Variants in WNK2 observed in about 807,000 individuals in gnomAD.
WNK2 encodes the protein WNK lysine deficient protein kinase 2.
A neutral mutation model predicts 192.1 loss-of-function variants in WNK2; 67 were observed. The ratio of observed to expected loss-of-function variants is 0.35; its 90% CI spans 0.29 to 0.43. The LOEUF (loss-of-function observed/expected upper bound fraction) is 0.43. Ranked by LOEUF, WNK2 falls within the 20% of genes least tolerant of loss-of-function variation. The probability of loss-of-function intolerance (pLI) is 1.00; values close to 1 mark genes in which losing one functional copy is unlikely to be tolerated. For synonymous variants in WNK2, 1,439 were observed against 1,393.9 expected (o/e 1.03, Z -0.72); for missense variants, 2,698 against 3,089.7 (o/e 0.87, Z 3.01).
chr9:93,230,946 A>T lies in WNK2; in HGVS notation c.913A>T (p.Ile305Phe). The T allele has an allele frequency of 6.2e-7, 1 of 1,613,880 alleles. No individual in the cohort carries two copies. The highest frequency in any genetic ancestry group is 8.5e-7 in the Non-Finnish European group (1 of 1,179,880). ...GGTTCTCCGCAGCTGGTGCCGGCAG[A>T]TCCTGAAGGGCCTGCTGTTCCTGCA... ...PKVLRSWCRQILKGLLFLHTR... is the reference protein window; with the variant it reads ...PKVLRSWCRQFLKGLLFLHTR... Residue 305 changes from isoleucine to phenylalanine, a missense_variant, in exon 4 of 30, where the codon ATC (isoleucine) becomes TTC (phenylalanine). Coordinates refer to ENST00000427277, the MANE Select transcript of WNK2 (RefSeq NM_006648.4).
intron 2 of WNK2, among the ~76,000 whole-genome samples, chr9:93,202,854 C>G (rs1030702146): frequency 6.6e-6 from 1 of 152,064 alleles, no homozygotes; most frequent in South Asian, 2.1e-4. Context: ...GCTGGAAGGC[C>G]GGCTTGGAAG....
At chr9:93,289,647 A>G in intron 20 of WNK2, 27 bp downstream of exon 20, 1 of 1,436,954 alleles carries the variant, frequency 7.0e-7, no homozygotes, top group South Asian at 1.5e-5. Context: ...TCCCAGAGAC[A>G]CTGCCCTGGG....
At chr9:93,317,682 C>T (rs1163350833) in intron 29 of WNK2, 51 bp downstream of exon 29, 1 of 1,573,504 alleles carries the variant, frequency 6.4e-7, no homozygotes, top group Non-Finnish European at 8.7e-7. Context: ...GCCTCTGGGT[C>T]AGTACAGAGG....
chr9:93,302,063 G>A (rs1415879841), intron 26 of WNK2, among the ~76,000 whole-genome samples: 1 of 152,190 alleles, frequency 6.6e-6, no homozygotes, highest in Non-Finnish European at 1.5e-5. Flanking sequence ...CTGTGCCCCT[G>A]GGCTGTGGAG....
At chr9:93,188,981 C>T (rs1476980892) in intron 2 of WNK2, among the ~76,000 whole-genome samples, 10 of 152,208 alleles carry the variant, frequency 6.6e-5, no homozygotes, top group Non-Finnish European at 1.3e-4. Context: ...TGGCTACCCA[C>T]GTTGCTGGAC....
At chr9:93,191,870 CA>C (rs1830389977) in intron 2 of WNK2, among the ~76,000 whole-genome samples, 1 of 151,786 alleles carries the variant, frequency 6.6e-6, no homozygotes, top group African/African-American at 2.4e-5. Context: ...ACTAAAAATA[CA>C]AAAAAATTAG....
At position 93,297,990 on chromosome 9, in the gene WNK2, CCAG is replaced by C; in HGVS notation, c.5849_5851del (p.Ser1950del). 6.4e-7 allele frequency: 1 copy of C among 1,562,512 alleles called. No homozygotes were observed. The highest frequency in any genetic ancestry group is 1.4e-5 in the African/African-American group (1 of 73,602). On this transcript the variant is annotated inframe_deletion, in exon 24 of 30. Transcript: ENST00000427277. The stretch of plus-strand genomic sequence containing the variant: ...CCCCCCACTGGCCGCCGGAGAAAAA[CCAG>C]CAAGAGCAAGCTGAAGGCAGGCAAG...
In WNK2 at chr9:93,184,986, C is replaced by T. The variant is rs1829025016; in HGVS notation, c.57C>T (p.Arg19=). The change falls in exon 2 of 30, where the codon CGC becomes CGT. Residue 19 remains arginine, a synonymous_variant. Coordinates refer to ENST00000427277, the MANE Select transcript of WNK2 (RefSeq NM_006648.4). ...DVPGTLMEPG[R]GAGPAGMAEP... ...CCGGCACGCTGATGGAGCCCGGGCG[C>T]GGCGCGGGGCCCGCGGGCATGGCGG... The T allele has an allele frequency of 2.4e-6, 3 of 1,241,922 alleles. No individual in the cohort carries two copies. The highest frequency in any genetic ancestry group is 3.0e-6 in the Non-Finnish European group (3 of 997,588). 76.9% of individuals were successfully genotyped at this position (1,241,922 alleles called of 1,614,324 possible). A position where few individuals can be genotyped will look rare whatever the true frequency, so the allele number is the denominator to read the frequency against.
chr9:93,306,777 G>T lies in WNK2; in HGVS notation c.6215G>T (p.Trp2072Leu), dbSNP rs1852636285. 1 of 1,614,060 alleles carries T rather than the reference G, an allele frequency of 6.2e-7. No individual in the cohort carries two copies. The highest frequency in any genetic ancestry group is 8.5e-7 in the Non-Finnish European group (1 of 1,179,896). ...TGTGTCGTTTCTTTTTCCCTTGCAG[G>T]GTCTGCCCTGAAGCGTCTCTGCCTA... ...FLSGPVSVSI[W>L]SALKRLCLGK... The change falls in exon 27 of 30, where the codon TGG (tryptophan) becomes TTG (leucine). Residue 2072 changes from tryptophan (W) to leucine (L), a missense_variant and splice_region_variant. Trp to Leu is a moderately conservative substitution (Grantham distance 61). This residue lies in a region of WNK2 where 29 missense variants were observed against 55.6 expected (regional missense o/e 0.52). Coordinates refer to ENST00000427277, the MANE Select transcript of WNK2 (RefSeq NM_006648.4).
rs1232053034 is a variant in WNK2, at chr9:93,257,062, G to A, written c.2305G>A (p.Val769Met). The change falls in exon 11 of 30, where the codon GTG (valine) becomes ATG (methionine). Residue 769 changes from valine (V) to methionine (M), a missense_variant. Around this residue, in one of 7 missense-constraint regions of WNK2, gnomAD observed 893 missense variants for 909.0 expected, o/e 0.98. Transcript: ENST00000427277. This position sits in a 1 kb window ranked among gnomAD's most constrained non-coding sequence, Gnocchi z 4.7. ...LPPYLAPASQ[V>M]GAPAQLKPLQ... The stretch of plus-strand genomic sequence containing the variant: ...ACCGTACCTGGCTCCAGCCTCCCAG[G>A]TGGGGGCCCCCGCTCAGCTGAAGCC... The A allele has an allele frequency of 2.2e-5, 35 of 1,606,408 alleles. No homozygotes were observed. Among genetic ancestry groups the A allele is most frequent in the African/African-American group, 4.0e-5 (3 of 74,622 alleles).
In WNK2 at chr9:93,261,912, G is replaced by A. The variant is rs777267233; in HGVS notation, c.3165G>A (p.Pro1055=). 41 of 1,607,338 alleles carry A rather than the reference G, an allele frequency of 2.6e-5. No individual in the cohort carries two copies. The highest frequency in any genetic ancestry group is 2.2e-4 in the South Asian group (20 of 91,070). The stretch of plus-strand genomic sequence containing the variant: ...CTGCGGTCCTCTCGCCGCCTCTGCC[G>A]GAAGTGCTGCTGCCTGCCGCCCCTG... ...PPAAVLSPPL[P]EVLLPAAPEL... The change falls in exon 13 of 30, where the codon CCG becomes CCA. Residue 1055 remains proline, a synonymous_variant. Transcript: ENST00000427277.
intron 6 of WNK2, 99 bp downstream of exon 6, chr9:93,238,420 C>A: frequency 8.8e-7 from 1 of 1,130,828 alleles, no homozygotes; most frequent in Non-Finnish European, 1.3e-6. Context: ...GACTTCAAGA[C>A]AGGCAGGCTC....
Position 93,268,729 on chromosome 9 carries a change from C to T in WNK2, c.4016C>T (p.Pro1339Leu), listed in dbSNP as rs776194136. ...SSPPLPLSSL[P>L]PEASQDSAPY... Reference sequence around the variant, plus strand: ...CCCCCACTTCCTCTAAGCTCCCTGCCGCCAGAAGCCAGCCAAGGTATGAGC... The same window carrying T: ...CCCCCACTTCCTCTAAGCTCCCTGCTGCCAGAAGCCAGCCAAGGTATGAGC... Residue 1339 changes from proline to leucine, a missense_variant, in exon 19 of 30, where the codon CCG becomes CTG. Around this residue, in one of 7 missense-constraint regions of WNK2, gnomAD observed 1,098 missense variants for 1,101.0 expected, o/e 1.00. Coordinates refer to ENST00000427277, the MANE Select transcript of WNK2 (RefSeq NM_006648.4). The T allele has an allele frequency of 9.9e-6, 16 of 1,612,754 alleles. No homozygotes were observed. Among genetic ancestry groups the T allele is most frequent in the Middle Eastern group, 1.6e-4 (1 of 6,076 alleles).
chr9:93,190,816 C>T (rs551012804), intron 2 of WNK2, among the ~76,000 whole-genome samples: 4 of 152,344 alleles, frequency 2.6e-5, no homozygotes, highest in South Asian at 2.1e-4. Flanking sequence ...GGGTCACCCG[C>T]GTCTCCAGGC....
chr9:93,242,912 G>A (rs1254504006), intron 7 of WNK2, among the ~76,000 whole-genome samples: 1 of 152,210 alleles, frequency 6.6e-6, no homozygotes, highest in Non-Finnish European at 1.5e-5. Context: ...GGAAGGGCAG[G>A]AGAATGAGGC....
chr9:93,184,191 G>T lies in WNK2; in HGVS notation c.-197G>T, dbSNP rs1361070148. 1.3e-5 allele frequency among the ~76,000 whole-genome samples: 2 copies of T among 150,206 alleles called. No individual in the cohort carries two copies. Among genetic ancestry groups the T allele is most frequent in the African/African-American group, 4.9e-5 (2 of 41,162 alleles). On this transcript the variant is annotated 5_prime_UTR_variant, in exon 1 of 30. Transcript: ENST00000427277. ...GCGGGAGCGGAGCCGCGCGAAGCCG[G>T]CAGGAGCACGCGGGAGCGCGGCCCC... is the stretch of plus-strand genomic sequence containing the variant.
Position 93,292,476 on chromosome 9 carries a change from C to T in WNK2, c.5026-15C>T, listed in dbSNP as rs372930823. ...TGTTCACATGAAACCTCTTCATCTCCGCTTGTTTCCCAAGGATGTACCTGC... is the reference window on the plus strand; with the variant it reads ...TGTTCACATGAAACCTCTTCATCTCTGCTTGTTTCCCAAGGATGTACCTGC... On this transcript the variant is annotated splice_polypyrimidine_tract_variant and intron_variant, in intron 22 of 29. Transcript: ENST00000427277. 5.9e-5 allele frequency: 95 copies of T among 1,607,554 alleles called. 1 individual carries two copies. Among genetic ancestry groups the T allele is most frequent in the South Asian group, 3.6e-4 (33 of 90,532 alleles).
rs1408041818 is a variant in WNK2, at chr9:93,259,087, C to G, written c.2539C>G (p.Leu847Val). 1.2e-6 allele frequency: 2 copies of G among 1,613,070 alleles called. No individual in the cohort carries two copies. Among genetic ancestry groups the G allele is most frequent in the Non-Finnish European group, 1.7e-6 (2 of 1,179,696 alleles). Reference sequence around the variant, plus strand: ...GATCTTGCCGAGCCTCGCTGCCCCACTCCCCCCTGCGTCCCCAGCCTTGCC... The same window carrying G: ...GATCTTGCCGAGCCTCGCTGCCCCAGTCCCCCCTGCGTCCCCAGCCTTGCC... ...AVILPSLAAP[L>V]PPASPALPLQ... is the part of the protein sequence containing the mutation. The change falls in exon 12 of 30, where the codon CTC becomes GTC. Residue 847 changes from leucine (L) to valine (V), a missense_variant. Physicochemically the swap from Leu to Val is conservative, Grantham distance 32 (BLOSUM62 1). Transcript: ENST00000427277. This position sits in a 1 kb window ranked among gnomAD's most constrained non-coding sequence, Gnocchi z 4.8.
intron 24 of WNK2, among the ~76,000 whole-genome samples, chr9:93,298,546 A>G (rs541409955): frequency 2.0e-4 from 30 of 152,196 alleles, no homozygotes; most frequent in Non-Finnish European, 3.4e-4. Flanking sequence ...GGCCCCAGGC[A>G]GCCACCAGCC....
Sources: gnomAD v4.1 joint callset for allele counts (sites outside exome capture counted in the v4.1 genomes callset) on GRCh38, gnomAD v4.1.1 for gene constraint, gnomAD v4.1.1 regional missense constraint, Gnocchi (gnomAD v3.1) non-coding constraint, MANE v1.5 for transcripts, NCBI Gene and HGNC (gene_info 2026-07-23, HGNC 2026-07-21) for gene names.